The following ITSN1 variants were observed in gnomAD, a reference collection of about 807,000 sequenced individuals.
ITSN1 encodes intersectin-1.
ITSN1 carries 58 observed loss-of-function variants against 239.8 expected under a neutral mutation model. The observed-to-expected ratio is 0.24, with a 90% CI of 0.20 to 0.30. The LOEUF (loss-of-function observed/expected upper bound fraction) is 0.30, where lower values mean the gene tolerates loss of function less well. ITSN1 is among the 10% of genes least tolerant of loss of function. The probability of loss-of-function intolerance (pLI) is 1.00; values close to 1 mark genes in which losing one functional copy is unlikely to be tolerated. For missense variants in ITSN1, 1,558 were observed against 2,103.3 expected, an observed-to-expected ratio of 0.74 and a Z score of 5.07; for synonymous variants, 780 against 770.8, an observed-to-expected ratio of 1.01 and a Z score of -0.20.
At chr21:33,811,275 T>G in intron 21 of ITSN1, 53 bp downstream of exon 21, 1 of 1,501,232 alleles carries the variant, frequency 6.7e-7, no homozygotes, top group Non-Finnish European at 8.9e-7. Context: ...ATTTGATCAT[T>G]TCCCCCCCAC....
At chr21:33,647,073 A>G (rs899223082) in intron 1 of ITSN1, among the ~76,000 whole-genome samples, 3 of 152,196 alleles carry the variant, frequency 2.0e-5, no homozygotes, top group African/African-American at 7.2e-5. Context: ...AAACATTGAA[A>G]GTATTTAATA....
chr21:33,689,125 C>A (rs1052570346), intron 1 of ITSN1, among the ~76,000 whole-genome samples: 1 of 152,130 alleles, frequency 6.6e-6, no homozygotes, highest in South Asian at 2.1e-4. Context: ...GTCACTTGCT[C>A]ATAGTTATTA....
At chr21:33,693,254 G>A (rs1170796570) in intron 1 of ITSN1, among the ~76,000 whole-genome samples, 4 of 151,920 alleles carry the variant, frequency 2.6e-5, no homozygotes, top group Admixed American at 6.6e-5. Context: ...ATACATAGCC[G>A]CTCTTCTCTT....
intron 32 of ITSN1, among the ~76,000 whole-genome samples, chr21:33,866,996 C>T (rs1280678672): frequency 6.7e-6 from 1 of 148,384 alleles, no homozygotes; most frequent in East Asian, 2.0e-4. Context: ...ATGCTGAATC[C>T]AGAGTGCAGG....
At chr21:33,858,157 G>A (rs1372775318) in intron 30 of ITSN1, among the ~76,000 whole-genome samples, 1 of 152,150 alleles carries the variant, frequency 6.6e-6, no homozygotes, top group Non-Finnish European at 1.5e-5. Context: ...CAAGTGCTGG[G>A]TCTGTCCAGG....
intron 18 of ITSN1, among the ~76,000 whole-genome samples, chr21:33,798,883 T>G (rs898077462): frequency 1.3e-5 from 2 of 150,992 alleles, no homozygotes; most frequent in Non-Finnish European, 3.0e-5. Flanking sequence ...TTTTGATAGT[T>G]TTTTTTTTAA....
chr21:33,683,399 A>G (rs1204293286), intron 1 of ITSN1, among the ~76,000 whole-genome samples: 1 of 152,190 alleles, frequency 6.6e-6, no homozygotes, highest in Non-Finnish European at 1.5e-5. Context: ...GGCCCTGTTT[A>G]TCAGAGGTTG....
At chr21:33,698,829 A>C (rs2091899860) in intron 1 of ITSN1, among the ~76,000 whole-genome samples, 1 of 152,212 alleles carries the variant, frequency 6.6e-6, no homozygotes, top group Non-Finnish European at 1.5e-5. Context: ...ATCTGGTATA[A>C]GACTCACTTA....
At chr21:33,682,445 C>T (rs1308640053) in intron 1 of ITSN1, among the ~76,000 whole-genome samples, 1 of 151,774 alleles carries the variant, frequency 6.6e-6, no homozygotes, top group Non-Finnish European at 1.5e-5. Context: ...GAACTCCCGA[C>T]CTCAGGTGAT....
At chr21:33,852,133 C>T (rs186412167) in intron 29 of ITSN1, among the ~76,000 whole-genome samples, 73 of 152,182 alleles carry the variant, frequency 4.8e-4, no homozygotes, top group African/African-American at 1.7e-3. Flanking sequence ...TGTGTCTCTC[C>T]CAAGATTGTG....
At chr21:33,803,345 C>G (rs1374369343) in intron 20 of ITSN1, among the ~76,000 whole-genome samples, 1 of 152,224 alleles carries the variant, frequency 6.6e-6, no homozygotes, top group Non-Finnish European at 1.5e-5. Flanking sequence ...TCTCCTTCCT[C>G]TTTTGGGCAC....
At chr21:33,822,243 G>C (rs570380864) in intron 24 of ITSN1, among the ~76,000 whole-genome samples, 59 of 152,284 alleles carry the variant, frequency 3.9e-4, no homozygotes, top group African/African-American at 1.4e-3. Context: ...TTGTCTGTTT[G>C]TTTTAGTTTT....
At chr21:33,754,663 G>A (rs2067790563) in intron 7 of ITSN1, among the ~76,000 whole-genome samples, 2 of 152,218 alleles carry the variant, frequency 1.3e-5, no homozygotes, top group Admixed American at 1.3e-4. Flanking sequence ...GTGGCACATT[G>A]GCAAGGAGAG....
At chr21:33,752,607 C>T (rs532923911) in intron 7 of ITSN1, among the ~76,000 whole-genome samples, 109 of 152,100 alleles carry the variant, frequency 7.2e-4, no homozygotes, top group South Asian at 2.3e-3. Context: ...ACTTTTGGGC[C>T]GGGTGTGGTG....
chr21:33,875,280 T>C (rs1983538585), intron 33 of ITSN1, 74 bp from the exon 34 acceptor site: 4 of 1,548,552 alleles, frequency 2.6e-6, no homozygotes, highest in Non-Finnish European at 3.6e-6. Flanking sequence ...CTGGGCCTGG[T>C]CCTGCAGGAC....
intron 21 of ITSN1, 63 bp downstream of exon 21, chr21:33,811,285 C>T: frequency 1.4e-6 from 2 of 1,464,736 alleles, no homozygotes; most frequent in East Asian, 2.3e-5. Context: ...TTCCCCCCCA[C>T]CCCCTTAAGT....
chr21:33,707,517 C>G (rs1462658520), intron 1 of ITSN1, among the ~76,000 whole-genome samples: 1 of 152,202 alleles, frequency 6.6e-6, no homozygotes, highest in Non-Finnish European at 1.5e-5. Flanking sequence ...TCTGTTCCCC[C>G]AAAAGGTTCT....
At chr21:33,846,730 G>A (rs2075000985) in intron 29 of ITSN1, among the ~76,000 whole-genome samples, 2 of 152,290 alleles carry the variant, frequency 1.3e-5, no homozygotes, top group Middle Eastern at 3.4e-3. Flanking sequence ...TGAGGGGCAG[G>A]ACACGTCACA....
intron 1 of ITSN1, among the ~76,000 whole-genome samples, chr21:33,692,296 C>T (rs560190429): frequency 2.6e-5 from 4 of 152,258 alleles, no homozygotes; most frequent in African/African-American, 9.6e-5. Flanking sequence ...TCACGAGGTC[C>T]GTACCAGTAA....
Sources: allele counts gnomAD v4.1 joint callset (sites outside exome capture counted in the v4.1 genomes callset), GRCh38; gene constraint gnomAD v4.1.1; transcripts MANE v1.5; gene names NCBI Gene and HGNC (gene_info 2026-07-23, HGNC 2026-07-21).